The following NARS2 variants were observed in gnomAD, a reference collection of about 807,000 sequenced individuals.
NARS2 encodes asparaginyl-tRNA synthetase.
Under a neutral mutation model 62.9 loss-of-function variants are expected in NARS2, and 60 were observed. That is an observed-to-expected ratio of 0.95 (90% CI 0.77 to 1.18). The LOEUF is 1.18. Among genes scored for constraint, NARS2 ranks in the 50% most tolerant of loss-of-function variants. The probability of loss-of-function intolerance (pLI) is 0.00; values close to 1 mark genes in which losing one functional copy is unlikely to be tolerated. For synonymous variants in NARS2, 196 were observed against 200.0 expected, an observed-to-expected ratio of 0.98 and a Z score of 0.17; for missense variants, 619 against 576.4, an observed-to-expected ratio of 1.07 and a Z score of -0.76.
intron 7 of NARS2, among the ~76,000 whole-genome samples, chr11:78,482,775 G>C (rs7116735): frequency 0.013 from 2,032 of 152,198 alleles, 16 homozygotes; most frequent in Non-Finnish European, 0.022. Flanking sequence ...AAAAAGCCCA[G>C]GACCAGACAG....
chr11:78,510,537 G>C (rs1860681970), intron 6 of NARS2, among the ~76,000 whole-genome samples: 1 of 152,092 alleles, frequency 6.6e-6, no homozygotes, highest in African/African-American at 2.4e-5. Flanking sequence ...TCTCAATAAT[G>C]TAAAGAACCA....
At chr11:78,511,378 C>G (rs10899537) in intron 6 of NARS2, among the ~76,000 whole-genome samples, 107,388 of 152,074 alleles carry the variant, frequency 0.71, 39,076 homozygotes, top group Non-Finnish European at 0.81. Flanking sequence ...GTCACCCAGC[C>G]TAATTCTATA....
At chr11:78,501,132 T>C (rs1565240722) in intron 6 of NARS2, among the ~76,000 whole-genome samples, 1 of 152,082 alleles carries the variant, frequency 6.6e-6, no homozygotes, top group Non-Finnish European at 1.5e-5. Flanking sequence ...CAATGACAAG[T>C]CCATTATGTG....
At chr11:78,460,607 G>A (rs1401785295) in intron 11 of NARS2, among the ~76,000 whole-genome samples, 1 of 152,156 alleles carries the variant, frequency 6.6e-6, no homozygotes, top group African/African-American at 2.4e-5. Flanking sequence ...AGTCAATGGA[G>A]GAAATGAGAA....
chr11:78,461,378 G>A (rs148024233), intron 11 of NARS2, among the ~76,000 whole-genome samples: 2 of 152,102 alleles, frequency 1.3e-5, no homozygotes, highest in African/African-American at 4.8e-5. Flanking sequence ...CAGGGATAAT[G>A]TGATGTCACA....
At chr11:78,468,239 G>A (rs976003825) in intron 10 of NARS2, among the ~76,000 whole-genome samples, 2 of 135,946 alleles carry the variant, frequency 1.5e-5, no homozygotes, top group Non-Finnish European at 1.5e-5. Flanking sequence ...ATTTTCCAGA[G>A]TGGCTCATAA....
intron 11 of NARS2, among the ~76,000 whole-genome samples, chr11:78,449,382 C>G (rs924107660): frequency 2.6e-5 from 4 of 152,058 alleles, no homozygotes; most frequent in African/African-American, 7.2e-5. Flanking sequence ...CGTGATCCGC[C>G]TGCCTCAGCC....
chr11:78,568,957 AAT>A (rs1181678861), intron 2 of NARS2, among the ~76,000 whole-genome samples: 4 of 152,150 alleles, frequency 2.6e-5, no homozygotes, highest in African/African-American at 9.7e-5. Context: ...TTAAAATGGG[AAT>A]AGAGTTAAGA....
chr11:78,567,862 A>C (rs1236150805), intron 3 of NARS2, among the ~76,000 whole-genome samples: 1 of 152,222 alleles, frequency 6.6e-6, no homozygotes, highest in African/African-American at 2.4e-5. Flanking sequence ...AAATGGCTAG[A>C]ATATAAATTT....
At chr11:78,546,887 C>G (rs1565274479) in intron 5 of NARS2, among the ~76,000 whole-genome samples, 3 of 152,344 alleles carry the variant, frequency 2.0e-5, no homozygotes, top group South Asian at 4.1e-4. Flanking sequence ...TCAGAAATCT[C>G]TCCTAGAGCA....
intron 5 of NARS2, among the ~76,000 whole-genome samples, chr11:78,550,988 C>G (rs755956138): frequency 6.6e-6 from 1 of 152,130 alleles, no homozygotes; most frequent in Admixed American, 6.5e-5. Context: ...ATACATTGTA[C>G]GATTCCATTT....
chr11:78,449,426 C>T (rs1348676274), intron 11 of NARS2, among the ~76,000 whole-genome samples: 3 of 151,902 alleles, frequency 2.0e-5, no homozygotes, highest in Non-Finnish European at 4.4e-5. Flanking sequence ...CGTGAGCCAC[C>T]GCGCCTGGCC....
chr11:78,521,469 G>A (rs1019366895), intron 6 of NARS2, among the ~76,000 whole-genome samples: 1 of 152,112 alleles, frequency 6.6e-6, no homozygotes, highest in Non-Finnish European at 1.5e-5. Flanking sequence ...CACTGCGCCA[G>A]GCCTGTGTCA....
At chr11:78,456,875 T>C (rs1858181444) in intron 11 of NARS2, among the ~76,000 whole-genome samples, 2 of 152,254 alleles carry the variant, frequency 1.3e-5, no homozygotes, top group Admixed American at 1.3e-4. Context: ...TTGCTTAGAT[T>C]CATTTTCCCA....
intron 11 of NARS2, among the ~76,000 whole-genome samples, chr11:78,458,242 C>T (rs905827443): frequency 1.3e-5 from 2 of 152,006 alleles, no homozygotes; most frequent in East Asian, 1.9e-4. Flanking sequence ...TAAATACATA[C>T]AATTATTACA....
At chr11:78,517,908 G>A (rs1376462713) in intron 6 of NARS2, among the ~76,000 whole-genome samples, 1 of 152,112 alleles carries the variant, frequency 6.6e-6, no homozygotes, top group African/African-American at 2.4e-5. Context: ...ACCCTTTAAA[G>A]AAGTGTATTT....
intron 7 of NARS2, among the ~76,000 whole-genome samples, chr11:78,482,525 A>G (rs1392034476): frequency 6.6e-6 from 1 of 152,178 alleles, no homozygotes; most frequent in East Asian, 1.9e-4. Flanking sequence ...AAGAGAGAAG[A>G]ATCAAATAGA....
chr11:78,493,331 C>T (rs1430457997), intron 6 of NARS2, 136 bp from the exon 7 acceptor site: 2 of 774,436 alleles, frequency 2.6e-6, no homozygotes, highest in East Asian at 5.4e-5. Flanking sequence ...ATATTTGCTG[C>T]TACATATTTC....
intron 5 of NARS2, among the ~76,000 whole-genome samples, chr11:78,532,979 G>GT (rs759414100): frequency 6.6e-6 from 1 of 152,080 alleles, no homozygotes; most frequent in East Asian, 1.9e-4. Flanking sequence ...CTGGAGTCTT[G>GT]TTTTTTCTGG....
Sources: allele counts gnomAD v4.1 joint callset (sites outside exome capture counted in the v4.1 genomes callset), GRCh38; gene constraint gnomAD v4.1.1; transcripts MANE v1.5; gene names NCBI Gene and HGNC (gene_info 2026-07-23, HGNC 2026-07-21).